AOX1: variants seen among roughly 807,000 people sequenced by gnomAD.
AOX1 encodes the protein aldehyde oxidase.
In AOX1, 153 loss-of-function variants were observed where a neutral mutation model predicts 169.5. That is an observed-to-expected ratio of 0.90 (90% CI 0.79 to 1.03). The LOEUF is 1.03. Ranked by LOEUF, AOX1 falls within the 50% of genes least tolerant of loss-of-function variation. AOX1 has a pLI of 0.00. For missense variants in AOX1, 1,656 were observed against 1,663.9 expected, an observed-to-expected ratio of 1.00 and a Z score of 0.08; for synonymous variants, 562 against 581.9, an observed-to-expected ratio of 0.97 and a Z score of 0.49.
At chr2:200,634,164 ATT>A (rs58341876) in intron 20 of AOX1, among the ~76,000 whole-genome samples, 686 of 84,898 alleles carry the variant, frequency 8.1e-3, no homozygotes, top group African/African-American at 0.025. Flanking sequence ...TTTCTTGAGG[ATT>A]TTTTTTTTTT....
chr2:200,610,701 C>A (rs927612401), intron 12 of AOX1, among the ~76,000 whole-genome samples: 5 of 151,942 alleles, frequency 3.3e-5, no homozygotes, highest in Non-Finnish European at 5.9e-5. Context: ...CTGACTTGAT[C>A]AGAATATCAA....
Position 200,670,733 on chromosome 2 carries a change from G to C in AOX1, c.*54G>C, listed in dbSNP as rs1002559496. 2.1e-6 allele frequency: 3 copies of C among 1,401,012 alleles called. No homozygotes were observed. Among genetic ancestry groups the C allele is most frequent in the African/African-American group, 2.8e-5 (2 of 70,620 alleles). The allele number at this position is 1,401,012 out of a possible 1,614,324, so 86.8% of individuals were successfully genotyped here. On this transcript the variant is annotated 3_prime_UTR_variant, in exon 35 of 35. Coordinates refer to ENST00000374700, the MANE Select transcript of AOX1 (RefSeq NM_001159.4). The stretch of plus-strand genomic sequence containing the variant: ...AGTGCCTCTTCCCAGATGGCAATCT[G>C]TCCTATCTCTGTGCTGGAAGATGCT...
At chr2:200,653,391 T>C (rs1176947232) in intron 26 of AOX1, among the ~76,000 whole-genome samples, 1 of 152,226 alleles carries the variant, frequency 6.6e-6, no homozygotes, top group Non-Finnish European at 1.5e-5. Context: ...ACATGATATT[T>C]GAGTGCCTTC....
chr2:200,587,687 G>A (rs1011974612), intron 1 of AOX1, among the ~76,000 whole-genome samples: 5 of 152,194 alleles, frequency 3.3e-5, no homozygotes, highest in African/African-American at 1.2e-4. Flanking sequence ...TGCTGTGAGG[G>A]TGAAATATGA....
In AOX1 at chr2:200,671,272, CAT is replaced by C. The variant is rs34110600; in HGVS notation, c.*598_*599del. 54,478 of 151,776 alleles carry C rather than the reference CAT, an allele frequency of 0.36. 10,171 individuals carry two copies. The highest frequency in any genetic ancestry group is 0.54 in the East Asian group (2,787 of 5,146). 9.4% of individuals were successfully genotyped at this position (151,776 alleles called of 1,614,324 possible). ...AGAATAGGATAAAATATTTGTAAAT[CAT>C]ATATTTGATAAAAGTCTTGTAACCA... On this transcript the variant is annotated 3_prime_UTR_variant, in exon 35 of 35. Coordinates refer to ENST00000374700, the MANE Select transcript of AOX1 (RefSeq NM_001159.4).
rs114261507 is a variant in AOX1 at position 200,654,559 on chromosome 2, C to A, written c.3076-2283C>A. ...GCAATATCAGTGTACTTACTTCCTGCAGTCTGAACACTGAATGGCACAGAC... is the reference window on the plus strand; with the variant it reads ...GCAATATCAGTGTACTTACTTCCTGAAGTCTGAACACTGAATGGCACAGAC... On this transcript the variant is annotated intron_variant, in intron 26 of 34. Coordinates refer to ENST00000374700, the MANE Select transcript of AOX1 (RefSeq NM_001159.4). Among the ~76,000 whole-genome samples the A allele has an allele frequency of 4.3e-3, 657 of 152,304 alleles. 8 individuals carry two copies. Among genetic ancestry groups the A allele is most frequent in the African/African-American group, 0.015 (621 of 41,560 alleles).
chr2:200,616,617 C>T (rs2034763348), intron 16 of AOX1, among the ~76,000 whole-genome samples: 2 of 152,208 alleles, frequency 1.3e-5, no homozygotes, highest in South Asian at 4.1e-4. Flanking sequence ...GTACTAAGAG[C>T]TTTTTGTGCT....
intron 15 of AOX1, among the ~76,000 whole-genome samples, chr2:200,615,744 T>A (rs2034742062): frequency 6.6e-6 from 1 of 152,224 alleles, no homozygotes; most frequent in African/African-American, 2.4e-5. Flanking sequence ...ACCTACCGTA[T>A]TCATCTGGCT....
At chr2:200,610,350 G>A (rs1341278505) in intron 12 of AOX1, among the ~76,000 whole-genome samples, 3 of 152,218 alleles carry the variant, frequency 2.0e-5, no homozygotes, top group African/African-American at 4.8e-5. Context: ...GGGATTACAG[G>A]CATGAGCCAC....
downstream of AOX1, among the ~76,000 whole-genome samples, chr2:200,674,373 C>T (rs114817355): frequency 7.8e-3 from 1,191 of 151,972 alleles, 14 homozygotes; most frequent in African/African-American, 0.027. Flanking sequence ...AGTGGTGCAA[C>T]CCAAGGTTAG....
At chr2:200,594,266 G>A (rs2034233957) in intron 2 of AOX1, among the ~76,000 whole-genome samples, 1 of 152,180 alleles carries the variant, frequency 6.6e-6, no homozygotes, top group African/African-American at 2.4e-5. Flanking sequence ...TCTCTCCATA[G>A]CACTAAGCCA....
chr2:200,669,730 G>A lies in AOX1; in HGVS notation c.3954G>A (p.Lys1318=), dbSNP rs900568982. The part of the protein sequence containing the change: ...PEKIRMACED[K]FTKMIPRDEP... ...AGATTAGGATGGCCTGTGAAGACAA[G>A]TTCACAAAAATGGTACGTTTGCATG... The change falls in exon 34 of 35, where the codon AAG becomes AAA. Residue 1318 remains lysine (K), a synonymous_variant. Transcript: ENST00000374700. The A allele has an allele frequency of 5.0e-6, 8 of 1,610,404 alleles. No homozygotes were observed. The highest frequency in any genetic ancestry group is 1.7e-5 in the Admixed American group (1 of 58,986).
At chr2:200,618,545 T>G (rs2034817027) in intron 16 of AOX1, among the ~76,000 whole-genome samples, 2 of 152,228 alleles carry the variant, frequency 1.3e-5, no homozygotes, top group South Asian at 4.1e-4. Context: ...TTTTTTATTT[T>G]CAAATCAATG....
intron 27 of AOX1, among the ~76,000 whole-genome samples, chr2:200,658,896 T>C (rs1343180611): frequency 2.6e-5 from 4 of 152,230 alleles, no homozygotes; most frequent in African/African-American, 9.6e-5. Context: ...GAAGCATTTC[T>C]TCCTGCCTTG....
At chr2:200,665,019 G>A (rs367595981) in intron 31 of AOX1, among the ~76,000 whole-genome samples, 2 of 152,186 alleles carry the variant, frequency 1.3e-5, no homozygotes, top group Non-Finnish European at 2.9e-5. Context: ...CCATCATAGC[G>A]TTGTTGACAG....
At position 200,603,298 on chromosome 2, in the gene AOX1, G is replaced by T. The variant is rs542431016; in HGVS notation, c.530G>T (p.Gly177Val). ...GGCTGCTGTCAAAGTAAAGAAAATG[G>T]GGTTTGCTGTTTGGATCAAGGAATC... ...TSGCCQSKEN[G>V]VCCLDQGING... The change falls in exon 7 of 35, where the codon GGG becomes GTG. Residue 177 changes from glycine to valine, a missense_variant. Transcript: ENST00000374700. The T allele has an allele frequency of 1.9e-6, 3 of 1,613,930 alleles. No homozygotes were observed. Among genetic ancestry groups the T allele is most frequent in the Admixed American group, 1.7e-5 (1 of 60,002 alleles).
intron 1 of AOX1, among the ~76,000 whole-genome samples, chr2:200,586,507 C>G (rs899282762): frequency 6.6e-6 from 1 of 152,222 alleles, no homozygotes; most frequent in East Asian, 1.9e-4. Flanking sequence ...TCTTCGTTCC[C>G]TCAATCCCAG....
At chr2:200,673,585 C>T (rs2036056589), downstream of AOX1, among the ~76,000 whole-genome samples, 1 of 152,234 alleles carries the variant, frequency 6.6e-6, no homozygotes, top group Non-Finnish European at 1.5e-5. Flanking sequence ...TCCCTGCATT[C>T]ATTTTGCTTT....
rs544714352 is a variant in AOX1, at chr2:200,676,980, C to T, written c.*16C>T. On this transcript the variant is annotated 3_prime_UTR_variant, in exon 5 of 5. Coordinates refer to the AOX1 transcript ENST00000439380. Reference sequence around the variant, plus strand: ...GGTGGCATAATGTCACATTCCAAGGCGTCAGATGAACTTGGTTTGTTTGTA... The same window carrying T: ...GGTGGCATAATGTCACATTCCAAGGTGTCAGATGAACTTGGTTTGTTTGTA... 1.4e-4 allele frequency: 67 copies of T among 467,692 alleles called. 1 individual carries two copies. The Middle Eastern group carries it at 2.6e-3, about 18-fold the overall frequency. 29.0% of individuals were successfully genotyped at this position (467,692 alleles called of 1,614,324 possible).
Sources: allele counts gnomAD v4.1 joint callset (sites outside exome capture counted in the v4.1 genomes callset), GRCh38; gene constraint gnomAD v4.1.1; transcripts MANE v1.5; gene names NCBI Gene and HGNC (gene_info 2026-07-23, HGNC 2026-07-21).